Variants in TMEM132B observed in about 807,000 individuals in gnomAD.
The protein encoded by TMEM132B is transmembrane protein 132B.
In TMEM132B, 18 loss-of-function variants were observed where a neutral mutation model predicts 90.8. The ratio of observed to expected loss-of-function variants is 0.20; its 90% CI spans 0.14 to 0.29. The LOEUF (loss-of-function observed/expected upper bound fraction) is 0.29. Among genes scored for constraint, TMEM132B ranks in the 10% least tolerant of loss-of-function variants. The pLI is 1.00. For synonymous variants in TMEM132B, 504 were observed against 523.3 expected (o/e 0.96, Z 0.50); for missense variants, 1,096 against 1,326.8 (o/e 0.83, Z 2.70).
chr12:125,640,366 T>C (rs1886598345), intron 5 of TMEM132B, among the ~76,000 whole-genome samples: 1 of 152,256 alleles, frequency 6.6e-6, no homozygotes, highest in Non-Finnish European at 1.5e-5. Context: ...TGGTGCATAG[T>C]TGACTGGCCA....
Position 125,623,217 on chromosome 12 carries a change from G to A in TMEM132B, c.1438-20859G>A, listed in dbSNP as rs118005088. Among the ~76,000 whole-genome samples the A allele has an allele frequency of 1.8e-3, 270 of 152,246 alleles. 2 individuals are homozygous for A. The highest frequency in any genetic ancestry group is 4.2e-3 in the Admixed American group (64 of 15,300). The stretch of plus-strand genomic sequence containing the variant: ...TTTCCTAGGCTTACAAATGTTGGTG[G>A]TGCTTTTTAAATCTCCCTATGCCAT... On this transcript the variant is annotated intron_variant, in intron 5 of 8. Transcript: ENST00000682704.
chr12:125,399,783 G>A (rs887459604), intron 2 of TMEM132B, among the ~76,000 whole-genome samples: 1 of 152,200 alleles, frequency 6.6e-6, no homozygotes, highest in Non-Finnish European at 1.5e-5. Context: ...AAGGTGTTGA[G>A]GTTTGAGATT....
chr12:125,645,644 T>C (rs75386409), intron 6 of TMEM132B, among the ~76,000 whole-genome samples: 17,342 of 152,236 alleles, frequency 0.11, 1,144 homozygotes, highest in South Asian at 0.19. Flanking sequence ...GATTCTTCCT[T>C]AGCACTTCCA....
At chr12:125,317,286 C>T (rs377468300) in intron 1 of TMEM132B, among the ~76,000 whole-genome samples, 2 of 152,140 alleles carry the variant, frequency 1.3e-5, no homozygotes, top group African/African-American at 4.8e-5. Context: ...GAGTGCGCAC[C>T]GTGTGACTAT....
chr12:125,378,282 A>G (rs1878553320), intron 2 of TMEM132B, among the ~76,000 whole-genome samples: 1 of 152,224 alleles, frequency 6.6e-6, no homozygotes. Context: ...CAATAAATCC[A>G]GGAAGACTGG....
chr12:125,199,943 C>G (rs540185002), intron 1 of TMEM132B, among the ~76,000 whole-genome samples: 1 of 152,308 alleles, frequency 6.6e-6, no homozygotes, highest in African/African-American at 2.4e-5. Context: ...GCAAGAGAAC[C>G]TGAGAAATTC....
chr12:125,648,883 AG>A lies in TMEM132B; in HGVS notation c.1644-1799del, dbSNP rs560903883. On this transcript the variant is annotated intron_variant, in intron 6 of 8. Transcript: ENST00000682704. ...AATTAAACAATGTTGTTAAATTCTG[AG>A]TAGACACTATTGCCTGCCTATGTGA... Among the ~76,000 whole-genome samples the A allele has an allele frequency of 5.3e-5, 8 of 152,330 alleles. No individual in the cohort carries two copies. The South Asian group carries it at 1.7e-3, about 32-fold the overall frequency.
chr12:125,558,783 C>T (rs1884452597), intron 4 of TMEM132B, among the ~76,000 whole-genome samples: 1 of 152,086 alleles, frequency 6.6e-6, no homozygotes, highest in African/African-American at 2.4e-5. Flanking sequence ...ATTGATCCAC[C>T]CACTCATCCA....
chr12:125,616,618 G>A (rs933272430), intron 5 of TMEM132B, among the ~76,000 whole-genome samples: 3 of 152,170 alleles, frequency 2.0e-5, no homozygotes, highest in African/African-American at 7.2e-5. Flanking sequence ...TACTTCTGTT[G>A]TCAGGTCCTT....
chr12:125,490,988 C>T lies in TMEM132B; in HGVS notation c.1107-28451C>T, dbSNP rs1300687458. 6.6e-6 allele frequency among the ~76,000 whole-genome samples: 1 copy of T among 152,112 alleles called. No individual in the cohort carries two copies. The highest frequency in any genetic ancestry group is 2.4e-5 in the African/African-American group (1 of 41,434). The stretch of plus-strand genomic sequence containing the variant: ...CCCATGTGGTGAAAGACTGAGGCCT[C>T]CTGACAATAGCCATATGGGTGTGCC... On this transcript the variant is annotated intron_variant, in intron 3 of 8. Transcript: ENST00000682704. This position sits in a 1 kb window ranked among gnomAD's most constrained non-coding sequence, Gnocchi z 4.2.
chr12:125,409,580 T>TGGAGA (rs1879631316), intron 2 of TMEM132B, among the ~76,000 whole-genome samples: 1 of 118,302 alleles, frequency 8.5e-6, no homozygotes. Context: ...GTGAGTGGAG[T>TGGAGA]GGAGTGGAGT....
intron 2 of TMEM132B, among the ~76,000 whole-genome samples, chr12:125,358,145 A>G (rs991129925): frequency 7.3e-5 from 11 of 151,720 alleles, no homozygotes; most frequent in Middle Eastern, 3.4e-3. Flanking sequence ...CACACTCTCT[A>G]TGGGGGGGAG....
At chr12:125,234,419 A>G (rs1369768008) in intron 1 of TMEM132B, among the ~76,000 whole-genome samples, 1 of 152,148 alleles carries the variant, frequency 6.6e-6, no homozygotes, top group Admixed American at 6.5e-5. Flanking sequence ...CTCCCGCTGA[A>G]ACCAACTCAT....
At chr12:125,589,765 A>C (rs1248136342) in intron 5 of TMEM132B, among the ~76,000 whole-genome samples, 7 of 152,114 alleles carry the variant, frequency 4.6e-5, no homozygotes, top group Non-Finnish European at 8.8e-5. Flanking sequence ...TCGTGAGGAC[A>C]GTACTAAGTG....
intron 4 of TMEM132B, among the ~76,000 whole-genome samples, chr12:125,544,525 A>C (rs893936992): frequency 1.3e-5 from 2 of 152,184 alleles, no homozygotes; most frequent in Non-Finnish European, 2.9e-5. Context: ...CTAGAAAAGG[A>C]GGCTTCCTCC....
intron 1 of TMEM132B, among the ~76,000 whole-genome samples, chr12:125,236,786 CT>C (rs561140958): frequency 6.0e-4 from 92 of 152,372 alleles, no homozygotes; most frequent in African/African-American, 2.1e-3. Context: ...AAGCCAAGCT[CT>C]TTGCCCTTAG....
chr12:125,627,969 C>T (rs1328642502), intron 5 of TMEM132B, among the ~76,000 whole-genome samples: 8 of 152,162 alleles, frequency 5.3e-5, no homozygotes, highest in Admixed American at 5.2e-4. Flanking sequence ...CAGTTCCATC[C>T]ATGTTGTTGC....
chr12:125,344,316 G>A (rs1311016833), intron 1 of TMEM132B, among the ~76,000 whole-genome samples: 1 of 152,188 alleles, frequency 6.6e-6, no homozygotes, highest in Non-Finnish European at 1.5e-5. Context: ...TGGAAAATCT[G>A]AGAAACCAAA....
intron 1 of TMEM132B, among the ~76,000 whole-genome samples, chr12:125,292,325 G>A (rs1875563552): frequency 6.6e-6 from 1 of 152,178 alleles, no homozygotes; most frequent in Non-Finnish European, 1.5e-5. Context: ...TAGCTTGAAA[G>A]GTTTTACACA....
Sources: allele counts gnomAD v4.1 joint callset (sites outside exome capture counted in the v4.1 genomes callset), GRCh38; gene constraint gnomAD v4.1.1; non-coding constraint Gnocchi (gnomAD v3.1); transcripts MANE v1.5; gene names NCBI Gene and HGNC (gene_info 2026-07-23, HGNC 2026-07-21).